CYTH3: variants seen among roughly 807,000 people sequenced by gnomAD.
CYTH3 encodes the protein cytohesin-3.
CYTH3 carries 23 observed loss-of-function variants against 55.1 expected under a neutral mutation model. The ratio of observed to expected loss-of-function variants is 0.42; its 90% confidence interval spans 0.30 to 0.59. The LOEUF (loss-of-function observed/expected upper bound fraction) is 0.59, where lower values mean the gene tolerates loss of function less well. Among genes scored for constraint, CYTH3 ranks in the 20% least tolerant of loss-of-function variants. The pLI is 0.20. For synonymous variants in CYTH3, 249 were observed against 194.9 expected (o/e 1.28, Z -2.31); for missense variants, 413 against 524.8 (o/e 0.79, Z 2.08).
chr7:6,259,833 T>TATAATATAATATATATATATA (rs57061102), intron 1 of CYTH3, among the ~76,000 whole-genome samples: 2 of 15,628 alleles, frequency 1.3e-4, no homozygotes, highest in African/African-American at 1.3e-3. Flanking sequence ...TATATATATA[T>TATAATATAATATATATATATA]TTTTTTTTTT....
chr7:6,180,943 C>A (rs368975032), intron 4 of CYTH3, among the ~76,000 whole-genome samples: 1 of 152,310 alleles, frequency 6.6e-6, no homozygotes, highest in South Asian at 2.1e-4. Context: ...TTAGTTAGCA[C>A]TTACTCCTGA....
intron 4 of CYTH3, among the ~76,000 whole-genome samples, chr7:6,183,443 G>C (rs1415934663): frequency 6.6e-6 from 1 of 152,228 alleles, no homozygotes; most frequent in Non-Finnish European, 1.5e-5. Flanking sequence ...AGGCTGCAGA[G>C]TGTTTTCAGC....
intron 1 of CYTH3, among the ~76,000 whole-genome samples, chr7:6,253,263 G>A (rs1179499954): frequency 6.6e-6 from 1 of 150,764 alleles, no homozygotes; most frequent in Admixed American, 6.6e-5. Context: ...GTTCACCCAG[G>A]CTGGAGTGCA....
chr7:6,217,354 G>A (rs952451846), intron 1 of CYTH3, among the ~76,000 whole-genome samples: 7 of 151,968 alleles, frequency 4.6e-5, no homozygotes, highest in Non-Finnish European at 7.4e-5. Context: ...TTTTATATTC[G>A]AATATATTGG....
intron 1 of CYTH3, among the ~76,000 whole-genome samples, chr7:6,249,449 T>C (rs541854607): frequency 2.6e-5 from 4 of 152,304 alleles, no homozygotes; most frequent in East Asian, 1.9e-4. Context: ...GAGAAGAGTG[T>C]AGAAAACCCT....
intron 1 of CYTH3, among the ~76,000 whole-genome samples, chr7:6,235,681 T>A (rs1014650980): frequency 6.6e-6 from 1 of 152,108 alleles, no homozygotes; most frequent in African/African-American, 2.4e-5. Flanking sequence ...ACATGTCACA[T>A]GTGAGTAAAG....
intron 1 of CYTH3, among the ~76,000 whole-genome samples, chr7:6,244,560 A>C (rs2128556077): frequency 6.6e-6 from 1 of 152,136 alleles, no homozygotes; most frequent in East Asian, 1.9e-4. Flanking sequence ...AACCACCTGG[A>C]CTCAAGCGAT....
intron 1 of CYTH3, among the ~76,000 whole-genome samples, chr7:6,244,987 T>TAA (rs1779770030): frequency 1.7e-5 from 2 of 117,256 alleles, no homozygotes; most frequent in African/African-American, 7.0e-5. Context: ...TTTTTTTTTT[T>TAA]TTTTTTGTAT....
At chr7:6,182,455 C>T (rs1455829010) in intron 4 of CYTH3, among the ~76,000 whole-genome samples, 1 of 152,184 alleles carries the variant, frequency 6.6e-6, no homozygotes, top group Non-Finnish European at 1.5e-5. Context: ...CTGAAGCAAT[C>T]CTTCTGCCTT....
At chr7:6,264,722 C>T (rs1384628374) in intron 1 of CYTH3, among the ~76,000 whole-genome samples, 1 of 152,210 alleles carries the variant, frequency 6.6e-6, no homozygotes, top group Admixed American at 6.5e-5. Flanking sequence ...TTGCTAGACA[C>T]AAGTGACTTC....
At chr7:6,187,015 T>A in intron 4 of CYTH3, 35 bp downstream of exon 4, 3 of 1,601,738 alleles carry the variant, frequency 1.9e-6, no homozygotes, top group East Asian at 4.5e-5. Flanking sequence ...TTAGTCCATC[T>A]CCTGCAGGCC....
At chr7:6,166,294 G>A (rs549862202) in intron 9 of CYTH3, among the ~76,000 whole-genome samples, 2 of 152,242 alleles carry the variant, frequency 1.3e-5, no homozygotes, top group African/African-American at 2.4e-5. Context: ...GCACACGCAC[G>A]TACCCCCATC....
intron 1 of CYTH3, among the ~76,000 whole-genome samples, chr7:6,227,767 G>A (rs1035135178): frequency 6.6e-6 from 1 of 152,146 alleles, no homozygotes; most frequent in Non-Finnish European, 1.5e-5. Context: ...CATGTTCCAG[G>A]CCAATACGAT....
chr7:6,171,169 G>A lies in CYTH3; in HGVS notation c.562+33C>T, dbSNP rs552040067. ...CCCTCCAGAGCTGGAGGCTGTGCCT[G>A]GCAAGGGGCCAGGCTGTGGGCTCTG... is the stretch of plus-strand genomic sequence containing the variant. On this transcript the variant is annotated intron_variant, in intron 7 of 12. Coordinates refer to ENST00000350796, the MANE Select transcript of CYTH3 (RefSeq NM_004227.4). The surrounding 1 kb of genome is among the most constrained non-coding windows in gnomAD (Gnocchi z 6.7). The A allele has an allele frequency of 1.9e-6, 3 of 1,610,856 alleles. No individual in the cohort carries two copies. The highest frequency in any genetic ancestry group is 1.7e-6 in the Non-Finnish European group (2 of 1,177,288).
chr7:6,232,281 C>A (rs1395879852), intron 1 of CYTH3, among the ~76,000 whole-genome samples: 1 of 152,158 alleles, frequency 6.6e-6, no homozygotes, highest in Non-Finnish European at 1.5e-5. Context: ...TTAAGAGTTG[C>A]AACTACAAGA....
intron 1 of CYTH3, among the ~76,000 whole-genome samples, chr7:6,265,403 G>C (rs1365466709): frequency 1.3e-5 from 2 of 151,756 alleles, no homozygotes; most frequent in East Asian, 3.9e-4. Context: ...ACGAGGTCAG[G>C]AGTTCAAGAC....
At chr7:6,184,557 T>G (rs1783589526) in intron 4 of CYTH3, among the ~76,000 whole-genome samples, 1 of 152,162 alleles carries the variant, frequency 6.6e-6, no homozygotes, top group Non-Finnish European at 1.5e-5. Flanking sequence ...TGAAACCTGA[T>G]GCACAGTAGT....
rs897703601 is a variant in CYTH3 at position 6,245,316 on chromosome 7, T to C, written c.34+27158A>G. ...ACTTCTTTTTCATTCTAAATTTTCA[T>C]TTTGATACCTAAATTTGTATTCTTT... is the stretch of plus-strand genomic sequence containing the variant. On this transcript the variant is annotated intron_variant, in intron 1 of 12. Coordinates refer to ENST00000350796, the MANE Select transcript of CYTH3 (RefSeq NM_004227.4). Among the ~76,000 whole-genome samples the C allele has an allele frequency of 2.6e-5, 4 of 152,096 alleles. 1 individual carries two copies. Among genetic ancestry groups the C allele is most frequent in the African/African-American group, 9.7e-5 (4 of 41,414 alleles).
chr7:6,220,244 C>T (rs1784522578), intron 1 of CYTH3, among the ~76,000 whole-genome samples: 1 of 152,232 alleles, frequency 6.6e-6, no homozygotes, highest in South Asian at 2.1e-4. Context: ...CAATGCAGAA[C>T]AGATATTCTT....
Sources: allele counts gnomAD v4.1 joint callset (sites outside exome capture counted in the v4.1 genomes callset), GRCh38; gene constraint gnomAD v4.1.1; non-coding constraint Gnocchi (gnomAD v3.1); transcripts MANE v1.5; gene names NCBI Gene and HGNC (gene_info 2026-07-23, HGNC 2026-07-21).